Variants in PPIG observed in about 807,000 individuals in gnomAD.
The protein encoded by PPIG is peptidyl-prolyl cis-trans isomerase G.
A neutral mutation model predicts 87.9 loss-of-function variants in PPIG; 26 were observed. The ratio of observed to expected loss-of-function variants is 0.30; its 90% CI spans 0.22 to 0.41. The LOEUF is 0.41. Among genes scored for constraint, PPIG ranks in the 10% least tolerant of loss-of-function variants. PPIG has a pLI of 1.00. For synonymous variants in PPIG, 308 were observed against 276.5 expected (o/e 1.11, Z -1.13); for missense variants, 722 against 879.4 (o/e 0.82, Z 2.26).
chr2:169,602,293 G>A (rs549952207), intron 1 of PPIG, among the ~76,000 whole-genome samples: 1 of 152,100 alleles, frequency 6.6e-6, no homozygotes, highest in African/African-American at 2.4e-5. Context: ...TACATACTGA[G>A]TTAAATAGAA....
chr2:169,599,266 A>G (rs922506963), intron 1 of PPIG, among the ~76,000 whole-genome samples: 20 of 152,134 alleles, frequency 1.3e-4, no homozygotes. Context: ...TAAGATTATG[A>G]TTTCTCATAG....
intron 7 of PPIG, among the ~76,000 whole-genome samples, chr2:169,611,914 A>G (rs559234970): frequency 3.3e-5 from 5 of 152,132 alleles, no homozygotes; most frequent in Non-Finnish European, 7.4e-5. Flanking sequence ...GTACTATAAC[A>G]TATAGAAGAT....
chr2:169,635,641 C>G (rs1322513859), intron 12 of PPIG, among the ~76,000 whole-genome samples: 1 of 152,150 alleles, frequency 6.6e-6, no homozygotes, highest in Non-Finnish European at 1.5e-5. Flanking sequence ...TACACATTTA[C>G]TCTGTTTTCC....
chr2:169,628,972 A>C (rs1677185386), intron 9 of PPIG, among the ~76,000 whole-genome samples: 1 of 142,418 alleles, frequency 7.0e-6, no homozygotes, highest in Non-Finnish European at 1.5e-5. Flanking sequence ...AAAAAAAGGC[A>C]AGGATAAATT....
At chr2:169,606,879 A>G (rs1489978574) in intron 5 of PPIG, among the ~76,000 whole-genome samples, 3 of 152,176 alleles carry the variant, frequency 2.0e-5, no homozygotes, top group Non-Finnish European at 4.4e-5. Context: ...TTTTTAAAAT[A>G]TATTTTAATA....
At chr2:169,616,834 A>G (rs1685620226) in intron 9 of PPIG, among the ~76,000 whole-genome samples, 1 of 152,190 alleles carries the variant, frequency 6.6e-6, no homozygotes, top group Non-Finnish European at 1.5e-5. Flanking sequence ...TTTGCTGTGC[A>G]GAAGCTCTTT....
At chr2:169,627,494 G>C (rs910379139) in intron 9 of PPIG, among the ~76,000 whole-genome samples, 1 of 152,094 alleles carries the variant, frequency 6.6e-6, no homozygotes, top group African/African-American at 2.4e-5. Flanking sequence ...TAATACACTT[G>C]GTAAGTGGGC....
intron 12 of PPIG, among the ~76,000 whole-genome samples, chr2:169,635,305 T>A (rs1686153145): frequency 6.6e-6 from 1 of 152,170 alleles, no homozygotes; most frequent in African/African-American, 2.4e-5. Flanking sequence ...CTTGCTTACC[T>A]CATCAATGTT....
chr2:169,614,425 G>T (rs770326174), intron 7 of PPIG, 39 bp from the exon 8 acceptor site: 3 of 1,497,148 alleles, frequency 2.0e-6, no homozygotes, highest in Admixed American at 4.2e-5. Context: ...GTTTTTCTCT[G>T]ACTTTGTTTT....
intron 1 of PPIG, among the ~76,000 whole-genome samples, chr2:169,591,972 G>C (rs1311187025): frequency 7.7e-6 from 1 of 130,418 alleles, no homozygotes; most frequent in Non-Finnish European, 1.5e-5. Context: ...TGTTGGCCAG[G>C]CTGGAGTGTA....
chr2:169,607,037 T>C (rs72623200), intron 5 of PPIG, 67 bp from the exon 6 acceptor site: 136,704 of 923,866 alleles, frequency 0.15, 11,279 homozygotes, highest in South Asian at 0.24. Context: ...TTACAAGAAG[T>C]ATTTTGTTTA....
Position 169,603,748 on chromosome 2 carries a change from T to C in PPIG, c.-17+54T>C, listed in dbSNP as rs182720471. ...TACAGAGTAAATACAATTTTCTGTT[T>C]GAGCTATTAATCTGTATTCCGGTTG... On this transcript the variant is annotated intron_variant, in intron 2 of 13. Coordinates refer to ENST00000260970, the MANE Select transcript of PPIG (RefSeq NM_004792.3). 1.1e-4 allele frequency: 37 copies of C among 342,378 alleles called. No individual in the cohort carries two copies. The East Asian group carries it at 1.9e-3, about 17-fold the overall frequency. The allele number at this position is 342,378 out of a possible 1,614,324, so 21.2% of individuals were successfully genotyped here.
chr2:169,637,013 C>A lies in PPIG; in HGVS notation c.1755C>A (p.Ser585Arg). 1 of 1,613,732 alleles carries A rather than the reference C, an allele frequency of 6.2e-7. No homozygotes were observed. Residue 585 changes from serine to arginine, a missense_variant, in exon 14 of 14, where the codon AGC becomes AGA. Ser to Arg is a moderately radical substitution (Grantham distance 110). Around this residue, in one of 4 missense-constraint regions of PPIG, gnomAD observed 476 missense variants for 483.1 expected, o/e 0.99. Coordinates refer to ENST00000260970, the MANE Select transcript of PPIG (RefSeq NM_004792.3). ...CAAGAACCCATGACAGAGATCGCAG[C>A]AGAAGCAAGGAGTACCATAGATACA... ...VRSRTHDRDR[S>R]RSKEYHRYRE... is the part of the protein sequence containing the mutation.
chr2:169,591,238 T>C (rs1574433933), intron 1 of PPIG, among the ~76,000 whole-genome samples: 1 of 152,216 alleles, frequency 6.6e-6, no homozygotes, highest in Non-Finnish European at 1.5e-5. Flanking sequence ...GAAAATAGTT[T>C]ATGTATGAAA....
At chr2:169,628,939 CAAAAAAAAAAAAA>C (rs71006010) in intron 9 of PPIG, among the ~76,000 whole-genome samples, 1,871 of 92,332 alleles carry the variant, frequency 0.02, 69 homozygotes, top group African/African-American at 0.067. Context: ...ACCCTGTCTC[CAAAAAAAAAAAAA>C]AAAAAAAAAA....
Position 169,608,477 on chromosome 2 carries a change from G to A in PPIG, c.290-194G>A, listed in dbSNP as rs530250708. Among the ~76,000 whole-genome samples the A allele has an allele frequency of 6.0e-5, 9 of 150,002 alleles. No individual in the cohort carries two copies. The East Asian group carries it at 6.0e-4, about 10-fold the overall frequency. On this transcript the variant is annotated intron_variant, in intron 6 of 13. Coordinates refer to ENST00000260970, the MANE Select transcript of PPIG (RefSeq NM_004792.3). The stretch of plus-strand genomic sequence containing the variant: ...TGCACTCCAGCCTGGGCAACAGAGC[G>A]AGACTCCATCTCAAAAAAAAAGATG...
chr2:169,627,450 T>C (rs991576378), intron 9 of PPIG, among the ~76,000 whole-genome samples: 6 of 152,248 alleles, frequency 3.9e-5, no homozygotes, highest in African/African-American at 1.4e-4. Flanking sequence ...TCAAAAGTGA[T>C]ATGTAAATTA....
At chr2:169,636,017 C>T in intron 12 of PPIG, 75 bp from the exon 13 acceptor site, 1 of 1,159,688 alleles carries the variant, frequency 8.6e-7, no homozygotes, top group Non-Finnish European at 1.2e-6. Context: ...CCCAGTACTT[C>T]CCTCCCTCCC....
chr2:169,632,209 C>G, intron 11 of PPIG, among the ~76,000 whole-genome samples: 1 of 152,026 alleles, frequency 6.6e-6, no homozygotes, highest in East Asian at 1.9e-4. Context: ...TAACAAGATA[C>G]TCTTTAACCA....
Sources: gnomAD v4.1 joint callset for allele counts (sites outside exome capture counted in the v4.1 genomes callset) on GRCh38, gnomAD v4.1.1 for gene constraint, gnomAD v4.1.1 regional missense constraint, MANE v1.5 for transcripts, NCBI Gene and HGNC (gene_info 2026-07-23, HGNC 2026-07-21) for gene names.